SCN11A: variants seen among roughly 807,000 people sequenced by gnomAD.
SCN11A encodes sodium voltage-gated channel alpha subunit 11, also known as sodium channel protein type 11 subunit alpha.
Under a neutral mutation model 162.2 loss-of-function variants are expected in SCN11A, and 122 were observed. That is an observed-to-expected ratio of 0.75 (90% CI 0.65 to 0.87). The LOEUF is 0.87. Among genes scored for constraint, SCN11A ranks in the 40% least tolerant of loss-of-function variants. SCN11A has a pLI of 0.00. For synonymous variants in SCN11A, 758 were observed against 751.5 expected, an observed-to-expected ratio of 1.01 and a Z score of -0.14; for missense variants, 2,015 against 2,181.6, an observed-to-expected ratio of 0.92 and a Z score of 1.52.
In SCN11A at chr3:38,846,790, A is replaced by T. The variant is rs141241382; in HGVS notation, c.5280T>A (p.Asn1760Lys). Reference sequence around the variant, plus strand: ...GTGAATGAGGCCCGTTTTCCAAGTCATTTTGGTCACCTTGGTCACCCTTGG... The same window carrying T: ...GTGAATGAGGCCCGTTTTCCAAGTCTTTTTGGTCACCTTGGTCACCCTTGG... ...KVTKGDQGDQ[N>K]DLENGPHSPL... Residue 1760 changes from asparagine (N) to lysine (K), a missense_variant, in exon 30 of 30, where the codon AAT (asparagine) becomes AAA (lysine). Physicochemically the swap from Asn to Lys is moderately conservative, Grantham distance 94 (BLOSUM62 0). Coordinates refer to ENST00000302328, the MANE Select transcript of SCN11A (RefSeq NM_001349253.2). 284 of 1,614,014 alleles carry T rather than the reference A, an allele frequency of 1.8e-4. 1 individual carries two copies. The African/African-American group carries it at 3.1e-3, about 18-fold the overall frequency.
intron 2 of SCN11A, among the ~76,000 whole-genome samples, chr3:38,995,797 T>TTGTCTATCTATTTATC (rs1553648562): frequency 1.1e-4 from 12 of 108,508 alleles, no homozygotes; most frequent in African/African-American, 5.4e-4. Context: ...TCACAATAAA[T>TTGTCTATCTATTTATC]TGTCTATCTA....
chr3:38,896,832 C>G lies in SCN11A; in HGVS notation c.2403+13G>C. ...TCTTTTTTTTTTTTTTGAAAAAAAT[C>G]TAAGACACATACCACAAGTTTTCCT... On this transcript the variant is annotated intron_variant, in intron 18 of 29. Transcript: ENST00000302328. The G allele has an allele frequency of 7.5e-7, 1 of 1,339,274 alleles. No individual in the cohort carries two copies. Among genetic ancestry groups the G allele is most frequent in the Non-Finnish European group, 9.7e-7 (1 of 1,028,976 alleles). The allele number at this position is 1,339,274 out of a possible 1,614,324, so 83.0% of individuals were successfully genotyped here.
At chr3:39,049,217 A>T (rs2032259543) in intron 1 of SCN11A, among the ~76,000 whole-genome samples, 1 of 152,286 alleles carries the variant, frequency 6.6e-6, no homozygotes, top group Non-Finnish European at 1.5e-5. Flanking sequence ...GTTATCTCCC[A>T]GAAGGCACCA....
chr3:38,936,135 T>C (rs1347213180), intron 7 of SCN11A, among the ~76,000 whole-genome samples: 1 of 151,558 alleles, frequency 6.6e-6, no homozygotes, highest in Non-Finnish European at 1.5e-5. Context: ...ATTATCTCAA[T>C]AGATGCAGAA....
chr3:38,988,303 TCTTC>T (rs1272219461), intron 2 of SCN11A, among the ~76,000 whole-genome samples: 4 of 151,970 alleles, frequency 2.6e-5, no homozygotes, highest in African/African-American at 9.7e-5. Flanking sequence ...GGAGAAATAC[TCTTC>T]CTTCCTTATT....
chr3:39,045,637 C>A (rs1185401492), intron 1 of SCN11A, among the ~76,000 whole-genome samples: 2 of 152,102 alleles, frequency 1.3e-5, no homozygotes. Flanking sequence ...ATAAAAAGAA[C>A]ATACCTCAAC....
chr3:38,892,128 AT>A (rs1340297679), intron 19 of SCN11A, among the ~76,000 whole-genome samples: 1 of 152,222 alleles, frequency 6.6e-6, no homozygotes. Flanking sequence ...GTGATATGAT[AT>A]ATTCAAAGTG....
At chr3:38,898,199 C>T (rs1392981901) in intron 17 of SCN11A, among the ~76,000 whole-genome samples, 1 of 152,080 alleles carries the variant, frequency 6.6e-6, no homozygotes, top group Non-Finnish European at 1.5e-5. Flanking sequence ...GATCACGCCA[C>T]TGTACTCCAG....
chr3:38,862,583 C>T (rs2064981690), intron 28 of SCN11A, among the ~76,000 whole-genome samples: 1 of 152,078 alleles, frequency 6.6e-6, no homozygotes, highest in Admixed American at 6.6e-5. Flanking sequence ...GAAATAATGG[C>T]CTTTGCAGCA....
At chr3:38,927,272 G>T (rs1355925338) in intron 7 of SCN11A, among the ~76,000 whole-genome samples, 1 of 152,138 alleles carries the variant, frequency 6.6e-6, no homozygotes, top group African/African-American at 2.4e-5. Context: ...TGTACAGAAG[G>T]AGACAATGGT....
Position 39,017,564 on chromosome 3 carries a change from A to G in SCN11A, c.-280+14816T>C, listed in dbSNP as rs80219366. On this transcript the variant is annotated intron_variant, in intron 2 of 29. Coordinates refer to ENST00000302328, the MANE Select transcript of SCN11A (RefSeq NM_001349253.2). ...AGGTTCTTGGATCTATATAGTTTCC[A>G]TCAAATTTGGGAAAATTTCAACCAT... is the stretch of plus-strand genomic sequence containing the variant. Among the ~76,000 whole-genome samples, 912 of 152,286 alleles carry G rather than the reference A, an allele frequency of 6.0e-3. 22 individuals are homozygous for G. Among genetic ancestry groups the G allele is most frequent in the Admixed American group, 0.051 (776 of 15,298 alleles).
At chr3:38,861,920 G>A (rs544474788) in intron 28 of SCN11A, among the ~76,000 whole-genome samples, 74 of 152,028 alleles carry the variant, frequency 4.9e-4, no homozygotes, top group Admixed American at 1.0e-3. Context: ...TCTTCTGCAC[G>A]GCAAAATAAA....
intron 17 of SCN11A, among the ~76,000 whole-genome samples, chr3:38,898,521 A>C (rs938866971): frequency 6.6e-6 from 1 of 152,216 alleles, no homozygotes; most frequent in Non-Finnish European, 1.5e-5. Context: ...TCTAAGCCTC[A>C]TAAGAATGAT....
At chr3:38,975,499 C>T (rs1306593738) in intron 2 of SCN11A, among the ~76,000 whole-genome samples, 1 of 152,190 alleles carries the variant, frequency 6.6e-6, no homozygotes, top group Admixed American at 6.5e-5. Context: ...GATCCTCGTA[C>T]TGGTCTAATT....
At chr3:39,017,399 A>C (rs1351142472) in intron 2 of SCN11A, among the ~76,000 whole-genome samples, 1 of 152,248 alleles carries the variant, frequency 6.6e-6, no homozygotes, top group Non-Finnish European at 1.5e-5. Context: ...CGAACAAGAA[A>C]TCTAAAGTCA....
chr3:39,032,872 C>T (rs111782532), intron 1 of SCN11A, among the ~76,000 whole-genome samples: 1,792 of 152,246 alleles, frequency 0.012, 42 homozygotes, highest in African/African-American at 0.042. Flanking sequence ...GAGAAACTGG[C>T]CAGGCACAGT....
At chr3:38,985,057 A>T (rs997162909) in intron 2 of SCN11A, among the ~76,000 whole-genome samples, 3 of 150,326 alleles carry the variant, frequency 2.0e-5, no homozygotes, top group Non-Finnish European at 4.4e-5. Flanking sequence ...ATACAATGAA[A>T]GCCACAGGAG....
chr3:38,886,131 G>C lies in SCN11A; in HGVS notation c.2943C>G (p.Pro981=). Residue 981 remains proline, a synonymous_variant, in exon 20 of 30, where the codon CCC becomes CCG. Coordinates refer to ENST00000302328, the MANE Select transcript of SCN11A (RefSeq NM_001349253.2). ...AACATCCTAGGAAAATTACCTTTCG[G>C]GGATCCTGTATGGTCAGATGAGGCT... The part of the protein sequence containing the change: ...EDEPHLTIQD[P]RKKSDVTSIL... 6.2e-7 allele frequency: 1 copy of C among 1,606,440 alleles called. No individual in the cohort carries two copies. The highest frequency in any genetic ancestry group is 1.3e-5 in the African/African-American group (1 of 74,832).
chr3:38,994,252 T>C (rs1028550938), intron 2 of SCN11A, among the ~76,000 whole-genome samples: 1 of 152,214 alleles, frequency 6.6e-6, no homozygotes, highest in African/African-American at 2.4e-5. Context: ...TCCTATATAT[T>C]GTCATGGCAG....
Sources: allele counts gnomAD v4.1 joint callset (sites outside exome capture counted in the v4.1 genomes callset), GRCh38; gene constraint gnomAD v4.1.1; transcripts MANE v1.5; gene names NCBI Gene and HGNC (gene_info 2026-07-23, HGNC 2026-07-21).